The following ZNF705G variants were observed in gnomAD, a reference collection of about 807,000 sequenced individuals.
ZNF705G encodes putative zinc finger protein 705G.
ZNF705G carries 23 observed loss-of-function variants against 19.6 expected under a neutral mutation model. That is an observed-to-expected ratio of 1.17 (90% CI 0.84 to 1.66). ZNF705G has a LOEUF of 1.66. ZNF705G is among the 40% of genes most tolerant of loss of function. The pLI is 0.00. For synonymous variants in ZNF705G, 146 were observed against 117.7 expected (o/e 1.24, Z -1.56); for missense variants, 457 against 354.4 (o/e 1.29, Z -2.32).
intron 2 of ZNF705G, among the ~76,000 whole-genome samples, chr8:7,365,342 C>T (rs1806807300): frequency 6.8e-6 from 1 of 147,878 alleles, no homozygotes; most frequent in African/African-American, 2.6e-5. Flanking sequence ...AGAGCCTGCA[C>T]AGCTTAGTAT....
rs111864455 is a variant in ZNF705G, at chr8:7,361,305, G to A, written c.13-69C>T. The A allele has an allele frequency of 1.4e-3, 2,247 of 1,591,456 alleles. 238 individuals are homozygous for A. In the African/African-American group the frequency reaches 0.024, roughly 17 times the overall value. The stretch of plus-strand genomic sequence containing the variant: ...TCAATGTCCGGAAGAGGAAGGCTGA[G>A]ATGACATAGCTAGCAGCTGGGTATG... On this transcript the variant is annotated intron_variant, in intron 3 of 6. Transcript: ENST00000400156.
rs547254370 is a variant in ZNF705G at position 7,361,029 on chromosome 8, T to C, written c.139+81A>G. Reference sequence around the variant, plus strand: ...AATCAGAGAAGAGATTAGAGTGAGATATGGGGAAGCTGTTTTAACACTTAT... The same window carrying C: ...AATCAGAGAAGAGATTAGAGTGAGACATGGGGAAGCTGTTTTAACACTTAT... On this transcript the variant is annotated intron_variant, in intron 4 of 6. Transcript: ENST00000400156. The C allele has an allele frequency of 5.6e-5, 89 of 1,589,278 alleles. 17 individuals are homozygous for C. The African/African-American group carries it at 1.2e-3, about 21-fold the overall frequency.
In ZNF705G at chr8:7,358,284, G is replaced by T. The variant is rs772281440; in HGVS notation, c.595C>A (p.Pro199Thr). Residue 199 changes from proline (P) to threonine (T), a missense_variant, in exon 7 of 7, where the codon CCA (proline) becomes ACA (threonine). Pro to Thr is a conservative substitution (Grantham distance 38). Coordinates refer to ENST00000400156, the MANE Select transcript of ZNF705G (RefSeq NM_001164457.3). The part of the protein sequence containing the change: ...RHKMTHTGER[P>T]YACHLCRKAF... ...TTTCTACATAGATGACATGCATATG[G>T]CCTCTCTCCAGTGTGAGTCATCTTG... 10 of 1,607,678 alleles carry T rather than the reference G, an allele frequency of 6.2e-6. No homozygotes were observed. Among genetic ancestry groups the T allele is most frequent in the Non-Finnish European group, 2.5e-6 (3 of 1,179,636 alleles).
rs572637339 is a variant in ZNF705G, at chr8:7,363,793, C to T, written c.-71-776G>A. 1.3e-4 allele frequency among the ~76,000 whole-genome samples: 20 copies of T among 149,192 alleles called. 1 individual carries two copies. The highest frequency in any genetic ancestry group is 3.4e-3 in the Middle Eastern group (1 of 292). ...CCGAGATCCCACCACTGCACTCCAG[C>T]GAGGGTGACAGAGCGAGACTCTGTC... On this transcript the variant is annotated intron_variant, in intron 2 of 6. Coordinates refer to ENST00000400156, the MANE Select transcript of ZNF705G (RefSeq NM_001164457.3).
intron 2 of ZNF705G, among the ~76,000 whole-genome samples, chr8:7,369,114 CTT>C (rs1301406115): frequency 6.7e-6 from 1 of 149,476 alleles, no homozygotes; most frequent in Non-Finnish European, 1.5e-5. Context: ...ACTCGTGAGA[CTT>C]ATTCACTACC....
chr8:7,359,777 T>A (rs1474243610), intron 5 of ZNF705G, 76 bp from the exon 6 acceptor site: 4 of 1,598,290 alleles, frequency 2.5e-6, no homozygotes, highest in Non-Finnish European at 3.4e-6. Flanking sequence ...AAAGCCCACG[T>A]ACTTTTTTCA....
At chr8:7,363,044 A>G (rs1806680467) in intron 2 of ZNF705G, 27 bp from the exon 3 acceptor site, 1 of 1,582,046 alleles carries the variant, frequency 6.3e-7, no homozygotes, top group Admixed American at 1.7e-5. Flanking sequence ...AACATGTGAG[A>G]CACCAGTCTT....
At chr8:7,362,884 T>A in intron 3 of ZNF705G, 51 bp downstream of exon 3, 1 of 1,564,536 alleles carries the variant, frequency 6.4e-7, no homozygotes, top group Non-Finnish European at 8.6e-7. Flanking sequence ...AACTGCCCAT[T>A]TGCCAGCAAT....
rs560222287 is a variant in ZNF705G at position 7,356,507 on chromosome 8, T to C, written c.*1469A>G. 6.0e-5 allele frequency: 9 copies of C among 149,914 alleles called. 1 individual carries two copies. The East Asian group carries it at 1.5e-3, about 26-fold the overall frequency. 9.3% of individuals were successfully genotyped at this position (149,914 alleles called of 1,614,324 possible). A position where few individuals can be genotyped will look rare whatever the true frequency, so the allele number is the denominator to read the frequency against. On this transcript the variant is annotated 3_prime_UTR_variant, in exon 7 of 7. Transcript: ENST00000400156. ...ACCCAAATGCATATACAAGGTGTCT[T>C]TGATACAGCCTCCATTTCCCTGCTA...
At chr8:7,360,783 G>T (rs1309487989) in intron 4 of ZNF705G, among the ~76,000 whole-genome samples, 1 of 149,466 alleles carries the variant, frequency 6.7e-6, no homozygotes, top group Non-Finnish European at 1.5e-5. Context: ...TAAAGCAGAA[G>T]AGTTATTTAG....
chr8:7,365,150 T>G (rs1225052478), intron 2 of ZNF705G, among the ~76,000 whole-genome samples: 1 of 149,618 alleles, frequency 6.7e-6, no homozygotes, highest in Non-Finnish European at 1.5e-5. Flanking sequence ...CTATAAAAAC[T>G]ATTTCAAGAT....
intron 2 of ZNF705G, among the ~76,000 whole-genome samples, chr8:7,368,332 G>A (rs1467103162): frequency 6.7e-6 from 1 of 149,474 alleles, no homozygotes; most frequent in Non-Finnish European, 1.5e-5. Context: ...ACTTTTGAGT[G>A]TATTATATGT....
chr8:7,361,423 C>G (rs1184256048), intron 3 of ZNF705G, among the ~76,000 whole-genome samples, 187 bp from the exon 4 acceptor site: 3 of 149,722 alleles, frequency 2.0e-5, no homozygotes, highest in East Asian at 3.9e-4. Context: ...TATACCCACT[C>G]TGAATCCATT....
At chr8:7,380,194 G>A (rs187697083) in intron 2 of ZNF705G, among the ~76,000 whole-genome samples, 1 of 142,872 alleles carries the variant, frequency 7.0e-6, no homozygotes, top group East Asian at 2.0e-4. Context: ...CCAGGAGCAG[G>A]GCCACTGCAC....
chr8:7,365,763 C>T lies in ZNF705G; in HGVS notation c.-71-2746G>A, dbSNP rs142147893. On this transcript the variant is annotated intron_variant, in intron 2 of 6. Transcript: ENST00000400156. ...ACACCCGTAAAAATTAAGAGGCCGA[C>T]TTGTGACTTCCTAGCCCTTTCACGG... Among the ~76,000 whole-genome samples the T allele has an allele frequency of 8.5e-3, 1,265 of 149,620 alleles. 153 individuals are homozygous for T. Among genetic ancestry groups the T allele is most frequent in the African/African-American group, 0.031 (1,216 of 39,002 alleles).
intron 1 of ZNF705G, among the ~76,000 whole-genome samples, chr8:7,384,798 T>C (rs1266765542): frequency 6.9e-6 from 1 of 145,568 alleles, no homozygotes; most frequent in East Asian, 1.9e-4. Context: ...TAAAATAATA[T>C]AGAAACTCCT....
At chr8:7,370,044 A>T (rs1461287609) in intron 2 of ZNF705G, among the ~76,000 whole-genome samples, 8 of 146,510 alleles carry the variant, frequency 5.5e-5, no homozygotes, top group East Asian at 2.0e-4. Context: ...TAAAAGTTGA[A>T]TTTTTTTTTA....
Position 7,367,234 on chromosome 8 carries a change from C to T in ZNF705G, c.-71-4217G>A, listed in dbSNP as rs1014785121. On this transcript the variant is annotated intron_variant, in intron 2 of 6. Transcript: ENST00000400156. Reference sequence around the variant, plus strand: ...CTTGTTACAGGTAGAAGAGCATGAGCAGGGCAGGAGAGGGCTCTTCCCCTA... The same window carrying T: ...CTTGTTACAGGTAGAAGAGCATGAGTAGGGCAGGAGAGGGCTCTTCCCCTA... Among the ~76,000 whole-genome samples, 7 of 149,310 alleles carry T rather than the reference C, an allele frequency of 4.7e-5. 2 individuals carry two copies. The highest frequency in any genetic ancestry group is 1.8e-4 in the African/African-American group (7 of 38,762).
At chr8:7,380,441 G>A (rs1807437471) in intron 2 of ZNF705G, among the ~76,000 whole-genome samples, 1 of 147,466 alleles carries the variant, frequency 6.8e-6, no homozygotes, top group East Asian at 1.9e-4. Flanking sequence ...GGGAGCCTGG[G>A]AATTAATCCA....
Sources: allele counts gnomAD v4.1 joint callset (sites outside exome capture counted in the v4.1 genomes callset), GRCh38; gene constraint gnomAD v4.1.1; transcripts MANE v1.5; gene names NCBI Gene and HGNC (gene_info 2026-07-23, HGNC 2026-07-21).